SCCPDH: variants seen among roughly 807,000 people sequenced by gnomAD.
SCCPDH encodes saccharopine dehydrogenase (putative), also known as saccharopine dehydrogenase-like oxidoreductase.
SCCPDH carries 34 observed loss-of-function variants against 51.5 expected under a neutral mutation model. The ratio of observed to expected loss-of-function variants is 0.66; its 90% CI spans 0.50 to 0.88. The LOEUF (loss-of-function observed/expected upper bound fraction) is 0.88. Among genes scored for constraint, SCCPDH ranks in the 40% least tolerant of loss-of-function variants. The pLI, the probability that SCCPDH is intolerant of heterozygous loss-of-function variation, is 0.00. For synonymous variants in SCCPDH, 187 were observed against 191.3 expected (o/e 0.98, Z 0.19); for missense variants, 464 against 527.1 (o/e 0.88, Z 1.17).
intron 2 of SCCPDH, among the ~76,000 whole-genome samples, chr1:246,735,618 A>G (rs958813404): frequency 1.3e-5 from 2 of 152,120 alleles, no homozygotes; most frequent in African/African-American, 4.8e-5. Flanking sequence ...TGTAATCTCC[A>G]CCTTCCAGGT....
intron 2 of SCCPDH, among the ~76,000 whole-genome samples, chr1:246,734,588 G>T (rs974974246): frequency 5.3e-5 from 8 of 152,176 alleles, no homozygotes; most frequent in African/African-American, 1.9e-4. Context: ...TAATTCCAGT[G>T]TTATCCGCCA....
chr1:246,759,066 G>T lies in SCCPDH; in HGVS notation c.728G>T (p.Gly243Val). Residue 243 changes from glycine to valine, a missense_variant, in exon 7 of 12, where the codon GGT becomes GTT. Gly to Val is a moderately radical substitution (Grantham distance 109). Coordinates refer to ENST00000366510, the MANE Select transcript of SCCPDH (RefSeq NM_016002.3). ...ATTTCTTATTGTCGGGAACTCAAAG[G>T]TTATTCCATTCCTTTTATGGGATCT... is the stretch of plus-strand genomic sequence containing the variant. ...WPISYCRELK[G>V]YSIPFMGSDV... The T allele has an allele frequency of 1.9e-6, 3 of 1,611,050 alleles. No individual in the cohort carries two copies. Among genetic ancestry groups the T allele is most frequent in the Non-Finnish European group, 2.5e-6 (3 of 1,177,230 alleles).
At chr1:246,740,850 G>A (rs1391078684) in intron 4 of SCCPDH, among the ~76,000 whole-genome samples, 1 of 152,122 alleles carries the variant, frequency 6.6e-6, no homozygotes, top group Non-Finnish European at 1.5e-5. Flanking sequence ...GGAGGTTGAG[G>A]CAGCAGGATC....
At chr1:246,761,931 T>C (rs553589452) in intron 9 of SCCPDH, among the ~76,000 whole-genome samples, 1 of 152,250 alleles carries the variant, frequency 6.6e-6, no homozygotes, top group Non-Finnish European at 1.5e-5. Flanking sequence ...CTAGACCGTA[T>C]GTGAATTGTA....
At position 246,767,299 on chromosome 1, in the gene SCCPDH, A is replaced by G. The variant is rs763290451; in HGVS notation, c.1289A>G (p.Ter430=). The part of the protein sequence containing the change: ...EFSVISSSEV[*] ...AGTGTTATTAGCAGCTCTGAAGTCTAAACACTGGAAGAATTAACTGAAGTC... is the reference window on the plus strand; with the variant it reads ...AGTGTTATTAGCAGCTCTGAAGTCTGAACACTGGAAGAATTAACTGAAGTC... Residue 430 remains the stop codon, a stop_retained_variant, in exon 12 of 12, where the codon TAA becomes TGA. Coordinates refer to ENST00000366510, the MANE Select transcript of SCCPDH (RefSeq NM_016002.3). 1.9e-6 allele frequency: 3 copies of G among 1,561,212 alleles called. No individual in the cohort carries two copies. Among genetic ancestry groups the G allele is most frequent in the Middle Eastern group, 1.7e-4 (1 of 5,886 alleles).
chr1:246,744,519 C>T (rs1037694738), intron 5 of SCCPDH, among the ~76,000 whole-genome samples: 2 of 152,042 alleles, frequency 1.3e-5, no homozygotes, highest in African/African-American at 2.4e-5. Context: ...CGGGGTTTCT[C>T]CATGTTGGTC....
At chr1:246,751,849 C>G (rs994632513) in intron 5 of SCCPDH, among the ~76,000 whole-genome samples, 3 of 150,850 alleles carry the variant, frequency 2.0e-5, no homozygotes, top group African/African-American at 7.3e-5. Context: ...TCTCAGCTCA[C>G]TGCAAGCTCG....
intron 5 of SCCPDH, among the ~76,000 whole-genome samples, chr1:246,746,168 G>T (rs944890378): frequency 5.5e-5 from 8 of 145,832 alleles, no homozygotes; most frequent in African/African-American, 2.1e-4. Flanking sequence ...GCTTCAGCAA[G>T]ACTCACATCT....
At chr1:246,733,448 T>C (rs145126321) in intron 2 of SCCPDH, among the ~76,000 whole-genome samples, 18 of 150,546 alleles carry the variant, frequency 1.2e-4, no homozygotes, top group Non-Finnish European at 2.4e-4. Context: ...ATATATATAA[T>C]AAGTATATGG....
chr1:246,744,667 G>A (rs943983876), intron 5 of SCCPDH, among the ~76,000 whole-genome samples: 1 of 152,074 alleles, frequency 6.6e-6, no homozygotes, highest in Non-Finnish European at 1.5e-5. Context: ...CCAGACTGGA[G>A]TGCAGTGGTG....
intron 2 of SCCPDH, among the ~76,000 whole-genome samples, chr1:246,734,535 G>C (rs1668540127): frequency 6.6e-6 from 1 of 152,148 alleles, no homozygotes; most frequent in African/African-American, 2.4e-5. Context: ...GTTTGTTAAT[G>C]GGAGGGTAGG....
chr1:246,762,784 T>C (rs769323352), intron 9 of SCCPDH, among the ~76,000 whole-genome samples: 21 of 142,886 alleles, frequency 1.5e-4, no homozygotes, highest in Non-Finnish European at 2.7e-4. Context: ...GAGCTTGCAG[T>C]GAGCTGAGAT....
In SCCPDH at chr1:246,767,345, G is replaced by T. The variant is rs764837526; in HGVS notation, c.*45G>T. 2 of 1,135,936 alleles carry T rather than the reference G, an allele frequency of 1.8e-6. No homozygotes were observed. Among genetic ancestry groups the T allele is most frequent in the Non-Finnish European group, 2.5e-6 (2 of 804,562 alleles). 70.4% of individuals were successfully genotyped at this position (1,135,936 alleles called of 1,614,324 possible). On this transcript the variant is annotated 3_prime_UTR_variant, in exon 12 of 12. Coordinates refer to ENST00000366510, the MANE Select transcript of SCCPDH (RefSeq NM_016002.3). ...AAGTCATAACGTGCGTGAATTAACA[G>T]CTTCTCTATTTGATATTTGAAATTC...
Position 246,740,247 on chromosome 1 carries a change from T to G in SCCPDH, c.460T>G (p.Phe154Val). Residue 154 changes from phenylalanine to valine, a missense_variant, in exon 4 of 12, where the codon TTT becomes GTT. Physicochemically the swap from Phe to Val is conservative, Grantham distance 50. Coordinates refer to ENST00000366510, the MANE Select transcript of SCCPDH (RefSeq NM_016002.3). Reference protein sequence around the residue: ...KGVYIIGSSGFDSIPADLGVI... With the variant: ...KGVYIIGSSGVDSIPADLGVI... ...GGTTTATATCATTGGAAGCAGCGGC[T>G]TTGACTCCATTCCAGCAGATCTGGG... 6.2e-7 allele frequency: 1 copy of G among 1,611,036 alleles called. No individual in the cohort carries two copies. The highest frequency in any genetic ancestry group is 8.5e-7 in the Non-Finnish European group (1 of 1,177,720).
chr1:246,728,601 T>G (rs2102979343), intron 2 of SCCPDH, among the ~76,000 whole-genome samples: 1 of 152,370 alleles, frequency 6.6e-6, no homozygotes, highest in East Asian at 1.9e-4. Flanking sequence ...TCTCCTGCTC[T>G]CTGAAGCAGC....
At chr1:246,749,033 G>A (rs531885075) in intron 5 of SCCPDH, among the ~76,000 whole-genome samples, 24 of 152,338 alleles carry the variant, frequency 1.6e-4, no homozygotes, top group African/African-American at 5.8e-4. Context: ...GTTAATATCA[G>A]GCTGGAGGCC....
intron 3 of SCCPDH, among the ~76,000 whole-genome samples, chr1:246,737,683 C>T (rs980317091): frequency 8.6e-5 from 13 of 151,960 alleles, no homozygotes; most frequent in Non-Finnish European, 1.9e-4. Flanking sequence ...CCTCTGCCAC[C>T]TGGGTTCAAG....
intron 9 of SCCPDH, among the ~76,000 whole-genome samples, chr1:246,763,200 C>T (rs369161806): frequency 2.0e-5 from 3 of 152,248 alleles, no homozygotes; most frequent in East Asian, 3.9e-4. Context: ...TGAGGCCATC[C>T]TAGACCCTTC....
chr1:246,751,301 AT>A, intron 5 of SCCPDH, among the ~76,000 whole-genome samples: 1 of 152,288 alleles, frequency 6.6e-6, no homozygotes, highest in East Asian at 1.9e-4. Flanking sequence ...ACCCTTTATA[AT>A]TTTTGTTAAA....
Sources: allele counts gnomAD v4.1 joint callset (sites outside exome capture counted in the v4.1 genomes callset), GRCh38; gene constraint gnomAD v4.1.1; transcripts MANE v1.5; gene names NCBI Gene and HGNC (gene_info 2026-07-23, HGNC 2026-07-21).